Variants in PER1 observed in about 807,000 individuals in gnomAD.
PER1 encodes period circadian protein homolog 1.
A neutral mutation model predicts 125.9 loss-of-function variants in PER1; 87 were observed. The observed-to-expected ratio is 0.69, with a 90% CI of 0.58 to 0.83. PER1 has a LOEUF of 0.83. PER1 is among the 40% of genes least tolerant of loss of function. The pLI, the probability that PER1 is intolerant of heterozygous loss-of-function variation, is 0.00. For synonymous variants in PER1, 801 were observed against 714.7 expected (o/e 1.12, Z -1.93); for missense variants, 1,775 against 1,722.8 (o/e 1.03, Z -0.54).
rs1157547884 is a variant in PER1, at chr17:8,150,131, G to A, written c.375-6C>T. 2 of 1,613,562 alleles carry A rather than the reference G, an allele frequency of 1.2e-6. No individual in the cohort carries two copies. Among genetic ancestry groups the A allele is most frequent in the Admixed American group, 3.3e-5 (2 of 60,012 alleles). On this transcript the variant is annotated splice_region_variant and splice_polypyrimidine_tract_variant and intron_variant, in intron 3 of 22. Transcript: ENST00000317276. ...CCCGGGCTGACTGTTCACTGCTGCG[G>A]GGCCCACAGGGAAGAAAGAGATAAA...
At chr17:8,144,335 G>A (rs544865490) in intron 18 of PER1, 5 of 413,298 alleles carry the variant, frequency 1.2e-5, no homozygotes, top group Non-Finnish European at 2.1e-5. Context: ...CTGCCTGCAG[G>A]GGATCTCCCT....
At position 8,144,356 on chromosome 17, in the gene PER1, G is replaced by C. The variant is rs535656678; in HGVS notation, c.2461+395C>G. 185 of 416,454 alleles carry C rather than the reference G, an allele frequency of 4.4e-4. 1 individual carries two copies. The highest frequency in any genetic ancestry group is 3.6e-3 in the African/African-American group (174 of 48,794). The allele number at this position is 416,454 out of a possible 1,614,324, so 25.8% of individuals were successfully genotyped here. ...GCAGGGGATCTCCCTCAGGCACCTG[G>C]AGGGGCTGCCTTCCACCTGCCCTTG... is the stretch of plus-strand genomic sequence containing the variant. On this transcript the variant is annotated intron_variant, in intron 18 of 22. Coordinates refer to ENST00000317276, the MANE Select transcript of PER1 (RefSeq NM_002616.3).
Position 8,147,365 on chromosome 17 carries a change from C to G in PER1, c.1514G>C (p.Ser505Thr), listed in dbSNP as rs372168698. 6.2e-7 allele frequency: 1 copy of G among 1,613,804 alleles called. No individual in the cohort carries two copies. Among genetic ancestry groups the G allele is most frequent in the Non-Finnish European group, 8.5e-7 (1 of 1,179,966 alleles). Residue 505 changes from serine to threonine, a missense_variant, in exon 13 of 23, where the codon AGC (serine) becomes ACC (threonine). Physicochemically the swap from Ser to Thr is moderately conservative, Grantham distance 58 (BLOSUM62 1). Transcript: ENST00000317276. ...RLLLQPVHSP[S>T]PTGLCGVGAV... ...GCCGACTCCACAGAGTCCCGTGGGG[C>G]TGGGGCTGTGGACGGGCTGCAGCAG...
At position 8,150,712 on chromosome 17, in the gene PER1, G is replaced by C; in HGVS notation, c.-6C>G. 1 of 1,537,940 alleles carries C rather than the reference G, an allele frequency of 6.5e-7. No individual in the cohort carries two copies. Among genetic ancestry groups the C allele is most frequent in the Non-Finnish European group, 8.7e-7 (1 of 1,150,364 alleles). Reference sequence around the variant, plus strand: ...CCTTCTAGGGGGCCACTCATGTCTGGGCCATGGGGAGAACAGAACAGAGAA... The same window carrying C: ...CCTTCTAGGGGGCCACTCATGTCTGCGCCATGGGGAGAACAGAACAGAGAA... On this transcript the variant is annotated 5_prime_UTR_variant, in exon 2 of 23. Coordinates refer to ENST00000317276, the MANE Select transcript of PER1 (RefSeq NM_002616.3).
Position 8,150,814 on chromosome 17 carries a change from T to C in PER1, c.-108A>G. ...GAGTGAGGTGGAAGATCTAAGTCTC[T>C]GAGGGTTGAGAAGTTCGATCACAGC... On this transcript the variant is annotated 5_prime_UTR_variant, in exon 2 of 23. Transcript: ENST00000317276. 1 of 1,077,134 alleles carries C rather than the reference T, an allele frequency of 9.3e-7. No homozygotes were observed. The highest frequency in any genetic ancestry group is 1.3e-6 in the Non-Finnish European group (1 of 763,452). The allele number at this position is 1,077,134 out of a possible 1,614,324, so 66.7% of individuals were successfully genotyped here.
chr17:8,146,521 C>CAGGG lies in PER1; in HGVS notation c.1908-23_1908-20dup. 1.2e-6 allele frequency: 2 copies of CAGGG among 1,609,088 alleles called. No individual in the cohort carries two copies. Among genetic ancestry groups the CAGGG allele is most frequent in the East Asian group, 4.5e-5 (2 of 44,840 alleles). On this transcript the variant is annotated intron_variant, in intron 15 of 22. Transcript: ENST00000317276. ...CAGGTACCTGGGGATGGACACAGCA[C>CAGGG]AGGGCATCAGAGCAGGGCTTGGGGT...
At position 8,150,804 on chromosome 17, in the gene PER1, T is replaced by C. The variant is rs762235770; in HGVS notation, c.-98A>G. 2.6e-6 allele frequency: 3 copies of C among 1,167,508 alleles called. No homozygotes were observed. Among genetic ancestry groups the C allele is most frequent in the South Asian group, 1.6e-5 (1 of 64,274 alleles). The allele number at this position is 1,167,508 out of a possible 1,614,324, so 72.3% of individuals were successfully genotyped here. On this transcript the variant is annotated 5_prime_UTR_variant, in exon 2 of 23. Coordinates refer to ENST00000317276, the MANE Select transcript of PER1 (RefSeq NM_002616.3). Reference sequence around the variant, plus strand: ...TTGGCTGAGGGAGTGAGGTGGAAGATCTAAGTCTCTGAGGGTTGAGAAGTT... The same window carrying C: ...TTGGCTGAGGGAGTGAGGTGGAAGACCTAAGTCTCTGAGGGTTGAGAAGTT...
At chr17:8,149,719 G>A in intron 5 of PER1, 36 bp downstream of exon 5, 1 of 1,612,782 alleles carries the variant, frequency 6.2e-7, no homozygotes, top group African/African-American at 1.3e-5. Flanking sequence ...AAGGAGTAGG[G>A]GTGCGTCGGG....
intron 7 of PER1, 93 bp downstream of exon 7, chr17:8,149,166 G>T (rs1053458533): frequency 2.6e-6 from 3 of 1,167,680 alleles, no homozygotes; most frequent in Non-Finnish European, 3.8e-6. Context: ...TCCAGCCTGG[G>T]TGACAGAGTG....
Position 8,142,257 on chromosome 17 carries a change from G to C in PER1, c.3449+12C>G. ...TGAAAGGAAGGCCAAGAAGGCCTCT[G>C]AAATGCCTCACCTGGAGGGCACCTG... On this transcript the variant is annotated intron_variant, in intron 21 of 22. Transcript: ENST00000317276. 1 of 1,572,414 alleles carries C rather than the reference G, an allele frequency of 6.4e-7. No homozygotes were observed. The highest frequency in any genetic ancestry group is 1.2e-5 in the South Asian group (1 of 84,840).
Position 8,146,137 on chromosome 17 carries a change from T to A in PER1, c.2039A>T (p.Asp680Val). 6.3e-7 allele frequency: 1 copy of A among 1,597,794 alleles called. No homozygotes were observed. Among genetic ancestry groups the A allele is most frequent in the East Asian group, 2.2e-5 (1 of 44,802 alleles). ...TGPVSVGTKK[D>V]PPSAALSGEG... Reference sequence around the variant, plus strand: ...CCCAGACAGCGCTGCTGACGGCGGATCTGTGCAGAGAGATGGTGCCAGTTA... The same window carrying A: ...CCCAGACAGCGCTGCTGACGGCGGAACTGTGCAGAGAGATGGTGCCAGTTA... Residue 680 changes from aspartate to valine, a missense_variant and splice_region_variant, in exon 17 of 23, where the codon GAT (aspartate) becomes GTT (valine). By Grantham distance (152) the Asp-to-Val change is radical. Transcript: ENST00000317276.
Position 8,145,011 on chromosome 17 carries a change from G to C in PER1, c.2219-18C>G, listed in dbSNP as rs1208012301. On this transcript the variant is annotated intron_variant, in intron 17 of 22. Coordinates refer to ENST00000317276, the MANE Select transcript of PER1 (RefSeq NM_002616.3). ...GATGATGTCTGAGGAGAGTGAGATA[G>C]GGAAAGGTCATCAGAACCACTTCAG... is the stretch of plus-strand genomic sequence containing the variant. 1.4e-6 allele frequency: 2 copies of C among 1,451,930 alleles called. No homozygotes were observed. The highest frequency in any genetic ancestry group is 1.5e-5 in the South Asian group (1 of 64,542). The allele number at this position is 1,451,930 out of a possible 1,614,324, so 89.9% of individuals were successfully genotyped here.
At chr17:8,144,697 A>C (rs1426400382) in intron 18 of PER1, 54 bp downstream of exon 18, 8 of 1,538,002 alleles carry the variant, frequency 5.2e-6, no homozygotes, top group Non-Finnish European at 7.0e-6. Context: ...ACCCCCCAAC[A>C]ATCCAGTCCT....
intron 12 of PER1, 33 bp from the exon 13 acceptor site, chr17:8,147,414 G>C: frequency 1.9e-6 from 3 of 1,613,238 alleles, no homozygotes; most frequent in Non-Finnish European, 2.5e-6. Context: ...TAGATGGCTT[G>C]ACCCGGCTTC....
chr17:8,145,466 G>A (rs957869890), intron 17 of PER1, among the ~76,000 whole-genome samples: 1 of 151,804 alleles, frequency 6.6e-6, no homozygotes, highest in African/African-American at 2.4e-5. Flanking sequence ...TGGGACTACA[G>A]GCGCGCGCCA....
At chr17:8,142,607 T>C in intron 20 of PER1, 42 bp downstream of exon 20, 1 of 1,601,190 alleles carries the variant, frequency 6.2e-7, no homozygotes, top group Non-Finnish European at 8.5e-7. Context: ...GGCTCCCCAA[T>C]CACTGCCCTA....
Position 8,144,921 on chromosome 17 carries a change from A to G in PER1, c.2291T>C (p.Val764Ala). ...PAPSPAPSPT[V>A]APDPAPDAYR... ...GGCGTCTGGGGCTGGGTCAGGGGCT[A>G]CTGTGGGGCTGGGGGCTGGGCTGGG... The change falls in exon 18 of 23, where the codon GTA (valine) becomes GCA (alanine). Residue 764 changes from valine to alanine, a missense_variant. Transcript: ENST00000317276. The G allele has an allele frequency of 6.5e-7, 1 of 1,532,064 alleles. No individual in the cohort carries two copies. Among genetic ancestry groups the G allele is most frequent in the Non-Finnish European group, 8.8e-7 (1 of 1,137,678 alleles). 94.9% of individuals were successfully genotyped at this position (1,532,064 alleles called of 1,614,324 possible).
chr17:8,146,834 G>A (rs1375799342), intron 14 of PER1, 63 bp downstream of exon 14: 1 of 1,605,368 alleles, frequency 6.2e-7, no homozygotes, highest in Admixed American at 1.7e-5. Flanking sequence ...CAAATGGGTT[G>A]GGGGTGAAGG....
At chr17:8,142,880 C>T (rs942708175) in intron 19 of PER1, 45 bp from the exon 20 acceptor site, 2 of 1,426,656 alleles carry the variant, frequency 1.4e-6, no homozygotes, top group African/African-American at 1.4e-5. Context: ...GGGTCAGCAC[C>T]TAGGCCTCCC....
Sources: allele counts gnomAD v4.1 joint callset (sites outside exome capture counted in the v4.1 genomes callset), GRCh38; gene constraint gnomAD v4.1.1; transcripts MANE v1.5; gene names NCBI Gene and HGNC (gene_info 2026-07-23, HGNC 2026-07-21).